The following DNAH3 variants were observed in gnomAD, a reference collection of about 807,000 sequenced individuals.
DNAH3 encodes dynein axonemal heavy chain 3, also known as axonemal beta dynein heavy chain 3.
Under a neutral mutation model 432.5 loss-of-function variants are expected in DNAH3, and 332 were observed. The ratio of observed to expected loss-of-function variants is 0.77; its 90% CI spans 0.70 to 0.84. DNAH3 has a LOEUF of 0.84. Among genes scored for constraint, DNAH3 ranks in the 40% least tolerant of loss-of-function variants. DNAH3 has a pLI of 0.00. For synonymous variants in DNAH3, 1,956 were observed against 1,900.2 expected, an observed-to-expected ratio of 1.03 and a Z score of -0.76; for missense variants, 4,861 against 5,114.0, an observed-to-expected ratio of 0.95 and a Z score of 1.51.
At chr16:20,991,424 TG>T (rs889377412) in intron 44 of DNAH3, among the ~76,000 whole-genome samples, 44 of 152,024 alleles carry the variant, frequency 2.9e-4, no homozygotes, top group African/African-American at 1.0e-3. Context: ...CCACCATGAC[TG>T]GCTAATTTTT....
chr16:21,046,742 C>T (rs1375681418), intron 31 of DNAH3, among the ~76,000 whole-genome samples: 1 of 151,382 alleles, frequency 6.6e-6, no homozygotes, highest in Non-Finnish European at 1.5e-5. Context: ...TTATTTTGCT[C>T]GTTAGTTGAT....
At chr16:21,062,705 T>C in intron 24 of DNAH3, 22 bp from the exon 25 acceptor site, 3 of 1,597,934 alleles carry the variant, frequency 1.9e-6, no homozygotes, top group South Asian at 1.1e-5. Flanking sequence ...CAAAGAAAGA[T>C]GGTAACTGGA....
At chr16:21,131,488 GAA>G (rs1210020940) in intron 7 of DNAH3, among the ~76,000 whole-genome samples, 27 of 436 alleles carry the variant, frequency 0.062, no homozygotes, top group South Asian at 0.19. Flanking sequence ...AGAAAGAAAA[GAA>G]AGAGAGATGA....
At chr16:21,073,755 A>G (rs1237983929) in intron 21 of DNAH3, among the ~76,000 whole-genome samples, 2 of 152,150 alleles carry the variant, frequency 1.3e-5, no homozygotes, top group Non-Finnish European at 2.9e-5. Flanking sequence ...GGCCATAAGG[A>G]AATTCTCTGA....
chr16:21,010,661 A>T (rs2087549344), intron 41 of DNAH3, among the ~76,000 whole-genome samples: 1 of 152,172 alleles, frequency 6.6e-6, no homozygotes, highest in African/African-American at 2.4e-5. Flanking sequence ...TGTCCCATAA[A>T]GTCAGGGAAG....
intron 51 of DNAH3, among the ~76,000 whole-genome samples, chr16:20,971,043 T>C (rs1394534621): frequency 1.3e-5 from 2 of 151,854 alleles, no homozygotes; most frequent in African/African-American, 4.8e-5. Flanking sequence ...AATTTTTGTA[T>C]TTTTAGTATA....
At chr16:21,131,959 A>C (rs1274950648) in intron 7 of DNAH3, among the ~76,000 whole-genome samples, 1 of 152,104 alleles carries the variant, frequency 6.6e-6, no homozygotes, top group Non-Finnish European at 1.5e-5. Flanking sequence ...ACTATTAATT[A>C]GTAACAGAAC....
chr16:21,052,348 T>C (rs2089989614), intron 28 of DNAH3, among the ~76,000 whole-genome samples: 1 of 152,216 alleles, frequency 6.6e-6, no homozygotes, highest in Non-Finnish European at 1.5e-5. Flanking sequence ...CAGGCAGCAA[T>C]ATCTGTTAGA....
At chr16:20,949,352 T>C (rs751774842) in intron 56 of DNAH3, among the ~76,000 whole-genome samples, 54 of 142,512 alleles carry the variant, frequency 3.8e-4, no homozygotes, top group Non-Finnish European at 7.5e-4. Context: ...TAAATAAATA[T>C]AAATAAAAAC....
At chr16:21,102,036 A>T (rs530342763) in intron 16 of DNAH3, among the ~76,000 whole-genome samples, 1 of 152,322 alleles carries the variant, frequency 6.6e-6, no homozygotes, top group South Asian at 2.1e-4. Flanking sequence ...TTCTCATGAG[A>T]TGGATGGATG....
At chr16:20,984,161 A>ATGTGTGTGTGTGTG (rs61445558) in intron 48 of DNAH3, among the ~76,000 whole-genome samples, 3 of 150,610 alleles carry the variant, frequency 2.0e-5, no homozygotes, top group African/African-American at 7.3e-5. Flanking sequence ...CCTTATCCCA[A>ATGTGTGTGTGTGTG]TGTGTGTGTG....
intron 16 of DNAH3, among the ~76,000 whole-genome samples, chr16:21,101,512 G>A (rs1657057923): frequency 6.6e-6 from 1 of 152,252 alleles, no homozygotes; most frequent in Non-Finnish European, 1.5e-5. Flanking sequence ...TGTATTTGTG[G>A]GACCATTTAG....
exon 59 of DNAH3, chr16:20,941,441 T>C: frequency 1.9e-6 from 3 of 1,614,174 alleles, no homozygotes; most frequent in Non-Finnish European, 1.7e-6. Context: ...ACGGTATTCA[T>C]GGATTCTTCA....
chr16:21,058,342 G>C (rs111993656), intron 26 of DNAH3, 146 bp from the exon 27 acceptor site: 20 of 488,110 alleles, frequency 4.1e-5, no homozygotes, highest in African/African-American at 3.4e-4. Flanking sequence ...GACATCTCTG[G>C]AATTACTGAT....
At chr16:20,963,603 A>G (rs757426480) in exon 53 of DNAH3, 1 of 1,614,018 alleles carries the variant, frequency 6.2e-7, no homozygotes, top group South Asian at 1.1e-5. Context: ...TGGGTAAGGC[A>G]GATGCACGGA....
Position 20,944,398 on chromosome 16 carries a change from C to T in DNAH3, c.11511+98G>A, listed in dbSNP as rs576675773. On this transcript the variant is annotated intron_variant, in intron 58 of 61. Coordinates refer to ENST00000261383, the Ensembl canonical transcript of DNAH3. ...CTTGGCCAGGAGGCTGCCAGGCCCC[C>T]ACTCTCTGCCTCTTGGTCACCCTCC... 5 of 1,421,006 alleles carry T rather than the reference C, an allele frequency of 3.5e-6. No individual in the cohort carries two copies. In the Admixed American group the frequency reaches 7.2e-5, roughly 20 times the overall value. The allele number at this position is 1,421,006 out of a possible 1,614,324, so 88.0% of individuals were successfully genotyped here.
At chr16:21,030,109 A>T (rs1310634923) in intron 37 of DNAH3, among the ~76,000 whole-genome samples, 1 of 152,144 alleles carries the variant, frequency 6.6e-6, no homozygotes, top group Non-Finnish European at 1.5e-5. Flanking sequence ...TACACGTGTG[A>T]GCCTATAGGG....
Position 21,051,876 on chromosome 16 carries a change from G to T in DNAH3, c.4040-8C>A. The T allele has an allele frequency of 6.2e-7, 1 of 1,613,882 alleles. No homozygotes were observed. ...TGGCCACCACGTCGCGGGCTGTTGG[G>T]ACACAGATGCAGAAACACGCACACA... On this transcript the variant is annotated splice_region_variant and splice_polypyrimidine_tract_variant and intron_variant, in intron 28 of 61. Transcript: ENST00000261383.
chr16:21,039,913 G>A (rs1332020708), exon 33 of DNAH3: 2 of 1,613,724 alleles, frequency 1.2e-6, no homozygotes, highest in Admixed American at 1.7e-5. Flanking sequence ...GCGTAATCTG[G>A]GACCATCATG....
Sources: allele counts gnomAD v4.1 joint callset (sites outside exome capture counted in the v4.1 genomes callset), GRCh38; gene constraint gnomAD v4.1.1; transcripts MANE v1.5; gene names NCBI Gene and HGNC (gene_info 2026-07-23, HGNC 2026-07-21).